XKR6: variants seen among roughly 807,000 people sequenced by gnomAD.
The protein encoded by XKR6 is XK-related protein 6.
Under a neutral mutation model 56.7 loss-of-function variants are expected in XKR6, and 22 were observed. The observed-to-expected ratio is 0.39, with a 90% CI of 0.28 to 0.55. XKR6 has a LOEUF of 0.55. Ranked by LOEUF, XKR6 falls within the 20% of genes least tolerant of loss-of-function variation. The probability of loss-of-function intolerance (pLI) is 0.66; values close to 1 mark genes in which losing one functional copy is unlikely to be tolerated. For synonymous variants in XKR6, 524 were observed against 387.8 expected (o/e 1.35, Z -4.13); for missense variants, 852 against 889.0 (o/e 0.96, Z 0.53).
chr8:11,112,623 T>TA (rs1332771798), intron 1 of XKR6, among the ~76,000 whole-genome samples: 2 of 152,312 alleles, frequency 1.3e-5, no homozygotes, highest in African/African-American at 4.8e-5. Context: ...TCCAAAAGCA[T>TA]AAAACAACAC....
chr8:11,126,434 T>A (rs932518355), intron 1 of XKR6, among the ~76,000 whole-genome samples: 14 of 152,210 alleles, frequency 9.2e-5, no homozygotes, highest in Non-Finnish European at 1.8e-4. Flanking sequence ...TTATCTTGTT[T>A]TTGGCCTACT....
At chr8:10,941,925 G>A (rs1024363046) in intron 1 of XKR6, among the ~76,000 whole-genome samples, 5 of 144,186 alleles carry the variant, frequency 3.5e-5, no homozygotes, top group African/African-American at 1.5e-4. Flanking sequence ...CCTGTGGGCT[G>A]CACTCCGACC....
chr8:10,998,284 T>C (rs929221596), intron 1 of XKR6, among the ~76,000 whole-genome samples: 73 of 147,708 alleles, frequency 4.9e-4, no homozygotes, highest in African/African-American at 1.7e-3. Context: ...CACACACACA[T>C]ACACACACAC....
chr8:10,976,570 G>A (rs532153672), intron 1 of XKR6, among the ~76,000 whole-genome samples: 5 of 152,338 alleles, frequency 3.3e-5, no homozygotes, highest in Admixed American at 3.3e-4. Flanking sequence ...GTTACCAGGT[G>A]TCTGCTATGT....
At chr8:10,955,574 T>C (rs555605730) in intron 1 of XKR6, among the ~76,000 whole-genome samples, 2 of 152,334 alleles carry the variant, frequency 1.3e-5, no homozygotes, top group East Asian at 1.9e-4. Context: ...GTAACATTAT[T>C]CTTCATAGTC....
chr8:11,172,359 G>GT (rs1282349516), intron 1 of XKR6, among the ~76,000 whole-genome samples: 3 of 152,086 alleles, frequency 2.0e-5, no homozygotes, highest in African/African-American at 7.2e-5. Flanking sequence ...GACAGACCCT[G>GT]TCTCAAAAAT....
intron 1 of XKR6, among the ~76,000 whole-genome samples, chr8:11,149,644 T>G (rs539334342): frequency 6.6e-6 from 1 of 150,856 alleles, no homozygotes; most frequent in African/African-American, 2.4e-5. Flanking sequence ...TTACTGTTGC[T>G]GAGAATGTCA....
At chr8:10,949,539 G>A (rs754276884) in intron 1 of XKR6, among the ~76,000 whole-genome samples, 1 of 152,258 alleles carries the variant, frequency 6.6e-6, no homozygotes, top group Non-Finnish European at 1.5e-5. Context: ...CTGAAAAGAG[G>A]GCAGGGAGGC....
Position 11,201,369 on chromosome 8 carries a change from G to C in XKR6, c.-30C>G, listed in dbSNP as rs780451327. On this transcript the variant is annotated 5_prime_UTR_variant, in exon 1 of 3. Coordinates refer to ENST00000416569, the MANE Select transcript of XKR6 (RefSeq NM_173683.4). ...ACTCTCTTCCCAGCTCCGGAGGTTG[G>C]GGGGGAGGGACGGCGGGGGGGGGGG... 3.4e-6 allele frequency: 5 copies of C among 1,458,762 alleles called. No individual in the cohort carries two copies. Among genetic ancestry groups the C allele is most frequent in the Non-Finnish European group, 4.5e-6 (5 of 1,112,646 alleles). 90.4% of individuals were successfully genotyped at this position (1,458,762 alleles called of 1,614,324 possible).
intron 1 of XKR6, among the ~76,000 whole-genome samples, chr8:11,173,633 G>A (rs141069665): frequency 7.2e-5 from 11 of 152,224 alleles, no homozygotes; most frequent in African/African-American, 1.7e-4. Flanking sequence ...CATGCACAGC[G>A]TTGGGTGTCC....
chr8:10,988,710 G>A (rs1213450444), intron 1 of XKR6, among the ~76,000 whole-genome samples: 4 of 152,148 alleles, frequency 2.6e-5, no homozygotes, highest in African/African-American at 7.2e-5. Flanking sequence ...CACAGAAATC[G>A]GCACCAACTT....
chr8:11,200,520 G>T lies in XKR6; in HGVS notation c.764+56C>A. Reference sequence around the variant, plus strand: ...GAGGGGCCGCCCCGCGAAGCACCGGGAGGGCGGAGGGGGGCTCCTCAGGGC... The same window carrying T: ...GAGGGGCCGCCCCGCGAAGCACCGGTAGGGCGGAGGGGGGCTCCTCAGGGC... On this transcript the variant is annotated intron_variant, in intron 1 of 2. Coordinates refer to ENST00000416569, the MANE Select transcript of XKR6 (RefSeq NM_173683.4). This position sits in a 1 kb window ranked among gnomAD's most constrained non-coding sequence, Gnocchi z 6.4. 1 of 1,396,550 alleles carries T rather than the reference G, an allele frequency of 7.2e-7. No homozygotes were observed. The allele number at this position is 1,396,550 out of a possible 1,614,324, so 86.5% of individuals were successfully genotyped here.
At chr8:11,019,685 G>C (rs1798706265) in intron 1 of XKR6, among the ~76,000 whole-genome samples, 1 of 152,230 alleles carries the variant, frequency 6.6e-6, no homozygotes, top group African/African-American at 2.4e-5. Context: ...TGAGGCTGCA[G>C]GGCCGTAACC....
intron 1 of XKR6, among the ~76,000 whole-genome samples, chr8:11,107,473 C>G (rs940941957): frequency 6.6e-6 from 1 of 152,112 alleles, no homozygotes; most frequent in South Asian, 2.1e-4. Context: ...GCGTGAGCCA[C>G]CACACCCAGC....
chr8:11,129,106 C>A (rs1368704477), intron 1 of XKR6: 1 of 378,116 alleles, frequency 2.6e-6, no homozygotes, highest in Non-Finnish European at 5.2e-6. Flanking sequence ...CAAGAAAATA[C>A]TTCCAACTTT....
chr8:11,178,545 AAAAT>A (rs1167712906), intron 1 of XKR6, among the ~76,000 whole-genome samples: 7,525 of 78,810 alleles, frequency 0.095, 636 homozygotes, highest in African/African-American at 0.2. Flanking sequence ...CTGAGAGGTA[AAAAT>A]ATATATATAT....
chr8:11,097,429 A>G (rs779781958), intron 1 of XKR6, among the ~76,000 whole-genome samples: 44 of 152,038 alleles, frequency 2.9e-4, no homozygotes, highest in Non-Finnish European at 5.4e-4. Context: ...TATGTGTAAA[A>G]GTAGATAATA....
chr8:11,047,602 G>T (rs1046148068), intron 1 of XKR6, among the ~76,000 whole-genome samples: 2 of 152,150 alleles, frequency 1.3e-5, no homozygotes, highest in Non-Finnish European at 2.9e-5. Flanking sequence ...GTAGAATGAG[G>T]GTTGCCAGGG....
chr8:11,052,363 C>A (rs1004527210), intron 1 of XKR6, among the ~76,000 whole-genome samples: 1 of 152,220 alleles, frequency 6.6e-6, no homozygotes, highest in African/African-American at 2.4e-5. Context: ...CACTTGTCAT[C>A]TGAAATGAAA....
Sources: gnomAD v4.1 joint callset for allele counts (sites outside exome capture counted in the v4.1 genomes callset) on GRCh38, gnomAD v4.1.1 for gene constraint, Gnocchi (gnomAD v3.1) non-coding constraint, MANE v1.5 for transcripts, NCBI Gene and HGNC (gene_info 2026-07-23, HGNC 2026-07-21) for gene names.